The following TEX52 variants were observed in gnomAD, a reference collection of about 807,000 sequenced individuals.
The protein encoded by TEX52 is testis expressed 52, also known as testis-expressed protein 52.
Under a neutral mutation model 17.6 loss-of-function variants are expected in TEX52, and 22 were observed. That is an observed-to-expected ratio of 1.25 (90% CI 0.89 to 1.78). The LOEUF (loss-of-function observed/expected upper bound fraction) is 1.78, where lower values mean the gene tolerates loss of function less well. TEX52 is among the 40% of genes most tolerant of loss of function. The pLI is 0.00. For synonymous variants in TEX52, 168 were observed against 147.4 expected (o/e 1.14, Z -1.01); for missense variants, 396 against 372.3 (o/e 1.06, Z -0.52).
In TEX52 at chr12:2,852,042, A is replaced by T. The variant is rs565063578; in HGVS notation, c.624-2517T>A. ...ATGTTAAGACAACTTCAACATCATC[A>T]GGCAGGAGTTTTTTTTTTAGCTCCA... On this transcript the variant is annotated intron_variant, in intron 2 of 2. Coordinates refer to ENST00000637658, the MANE Select transcript of TEX52 (RefSeq NM_001365174.2). Among the ~76,000 whole-genome samples the T allele has an allele frequency of 2.0e-5, 3 of 152,344 alleles. No individual in the cohort carries two copies. In the East Asian group the frequency reaches 5.8e-4, roughly 29 times the overall value.
intron 2 of TEX52, among the ~76,000 whole-genome samples, chr12:2,853,190 A>G (rs913957581): frequency 3.3e-5 from 5 of 152,212 alleles, no homozygotes; most frequent in Admixed American, 6.5e-5. Context: ...GCAACTGGCA[A>G]TCTTCAGGGC....
At chr12:2,855,476 A>G in intron 1 of TEX52, 30 bp from the exon 2 acceptor site, 1 of 1,394,488 alleles carries the variant, frequency 7.2e-7, no homozygotes, top group Non-Finnish European at 9.3e-7. Flanking sequence ...AGCCTGGGGA[A>G]GGTTGTGCAG....
At chr12:2,854,318 C>T (rs1428418913) in intron 2 of TEX52, among the ~76,000 whole-genome samples, 1 of 152,228 alleles carries the variant, frequency 6.6e-6, no homozygotes, top group Non-Finnish European at 1.5e-5. Flanking sequence ...AGCCACCACG[C>T]CCTGCCATAA....
chr12:2,849,795 A>G (rs2098064313), intron 2 of TEX52, among the ~76,000 whole-genome samples: 1 of 152,182 alleles, frequency 6.6e-6, no homozygotes, highest in Non-Finnish European at 1.5e-5. Flanking sequence ...ATATAATATT[A>G]TGATCCAGAT....
rs111561966 is a variant in TEX52, at chr12:2,854,952, T to G, written c.567A>C (p.Ala189=). Residue 189 remains alanine (A), a synonymous_variant, in exon 2 of 3, where the codon GCA becomes GCC. Coordinates refer to ENST00000637658, the MANE Select transcript of TEX52 (RefSeq NM_001365174.2). ...EVEKLKLRSE[A]RAPPLDAQGN... ...CCTGGGCATCGAGTGGGGGTGCTCT[T>G]GCCTCACTCCTCAACTTGAGCTTCT... is the stretch of plus-strand genomic sequence containing the variant. The G allele has an allele frequency of 1.8e-5, 28 of 1,536,094 alleles. No individual in the cohort carries two copies. In the African/African-American group the frequency reaches 2.2e-4, roughly 12 times the overall value.
intron 2 of TEX52, among the ~76,000 whole-genome samples, chr12:2,853,250 G>C (rs2153929238): frequency 6.6e-6 from 1 of 152,108 alleles, no homozygotes; most frequent in Non-Finnish European, 1.5e-5. Flanking sequence ...AAAGGAGACT[G>C]ATCTCTCAAA....
At position 2,849,503 on chromosome 12, in the gene TEX52, C is replaced by T. The variant is rs947906502; in HGVS notation, c.646G>A (p.Gly216Arg). The T allele has an allele frequency of 1.9e-5, 29 of 1,535,990 alleles. No individual in the cohort carries two copies. Among genetic ancestry groups the T allele is most frequent in the Non-Finnish European group, 2.4e-5 (27 of 1,146,914 alleles). ...FKKYRHISAGGRFEPQGLQLM... is the reference protein window; with the variant it reads ...FKKYRHISAGRRFEPQGLQLM... ...TGGAGGCCCTGGGGTTCAAACCTCCCACCAGCGGATATGTGCCGGTACCTG... is the reference window on the plus strand; with the variant it reads ...TGGAGGCCCTGGGGTTCAAACCTCCTACCAGCGGATATGTGCCGGTACCTG... Residue 216 changes from glycine to arginine, a missense_variant, in exon 3 of 3, where the codon GGG becomes AGG. Coordinates refer to ENST00000637658, the MANE Select transcript of TEX52 (RefSeq NM_001365174.2).
chr12:2,853,801 G>A (rs2098078910), intron 2 of TEX52, among the ~76,000 whole-genome samples: 1 of 152,038 alleles, frequency 6.6e-6, no homozygotes. Flanking sequence ...GCCGGGAGGG[G>A]GAGCTGCGGG....
At chr12:2,854,612 C>T (rs1171886342) in intron 2 of TEX52, among the ~76,000 whole-genome samples, 2 of 152,204 alleles carry the variant, frequency 1.3e-5, no homozygotes, top group Non-Finnish European at 2.9e-5. Flanking sequence ...CTTTGCAAAG[C>T]TCCTTGAGGG....
At chr12:2,848,138 C>T (rs953234177), downstream of TEX52, among the ~76,000 whole-genome samples, 1 of 152,186 alleles carries the variant, frequency 6.6e-6, no homozygotes, top group Non-Finnish European at 1.5e-5. Flanking sequence ...TAAAGCAGCT[C>T]TAGAGCCCTG....
intron 2 of TEX52, among the ~76,000 whole-genome samples, chr12:2,854,033 T>A (rs578091316): frequency 7.9e-5 from 12 of 152,304 alleles, no homozygotes; most frequent in South Asian, 2.1e-4. Context: ...TTAATTAATT[T>A]ATTTATTTAG....
intron 2 of TEX52, among the ~76,000 whole-genome samples, chr12:2,851,771 C>T (rs1417976516): frequency 6.6e-6 from 1 of 150,802 alleles, no homozygotes; most frequent in South Asian, 2.1e-4. Flanking sequence ...TTCCACCTCC[C>T]GGGTTCAAGT....
chr12:2,853,837 C>T (rs1184418907), intron 2 of TEX52, among the ~76,000 whole-genome samples: 1 of 152,060 alleles, frequency 6.6e-6, no homozygotes, highest in Non-Finnish European at 1.5e-5. Flanking sequence ...TCTCAACGTT[C>T]CTGGCTCCGC....
chr12:2,851,119 T>C (rs1441572351), intron 2 of TEX52, among the ~76,000 whole-genome samples: 1 of 149,374 alleles, frequency 6.7e-6, no homozygotes, highest in Non-Finnish European at 1.5e-5. Context: ...GCCGAGATCA[T>C]ACCATTGCAC....
downstream of TEX52, among the ~76,000 whole-genome samples, chr12:2,848,055 A>G (rs906567811): frequency 2.6e-5 from 4 of 152,200 alleles, no homozygotes; most frequent in African/African-American, 7.2e-5. Context: ...AATGGTCCCC[A>G]TTGTGCAGGT....
chr12:2,853,016 CA>C (rs200264720), intron 2 of TEX52, among the ~76,000 whole-genome samples: 6 of 149,438 alleles, frequency 4.0e-5, no homozygotes, highest in Admixed American at 2.0e-4. Flanking sequence ...AAAGAAACAA[CA>C]AAAAAAAACG....
At chr12:2,854,442 A>C (rs2098080942) in intron 2 of TEX52, among the ~76,000 whole-genome samples, 1 of 152,230 alleles carries the variant, frequency 6.6e-6, no homozygotes, top group African/African-American at 2.4e-5. Flanking sequence ...AGGCTGGAGA[A>C]GCTGGGCACC....
chr12:2,848,792 C>T (rs1321821995), downstream of TEX52, among the ~76,000 whole-genome samples: 1 of 151,928 alleles, frequency 6.6e-6, no homozygotes, highest in East Asian at 1.9e-4. Flanking sequence ...AGCCTCATTC[C>T]CAATGGGTTA....
chr12:2,848,483 C>T (rs570200807), downstream of TEX52, among the ~76,000 whole-genome samples: 69 of 152,292 alleles, frequency 4.5e-4, no homozygotes, highest in Admixed American at 1.2e-3. Flanking sequence ...CATAAGTCCT[C>T]CACACCCTTC....
Sources: allele counts gnomAD v4.1 joint callset (sites outside exome capture counted in the v4.1 genomes callset), GRCh38; gene constraint gnomAD v4.1.1; transcripts MANE v1.5; gene names NCBI Gene and HGNC (gene_info 2026-07-23, HGNC 2026-07-21).